Variants in ZNF560 observed in about 807,000 individuals in gnomAD.
ZNF560 encodes the protein zinc finger protein 560.
In ZNF560, 54 loss-of-function variants were observed where a neutral mutation model predicts 81.8. The observed-to-expected ratio is 0.66, with a 90% CI of 0.53 to 0.83. The LOEUF is 0.83. ZNF560 is among the 40% of genes least tolerant of loss of function. The probability of loss-of-function intolerance (pLI) is 0.00; values close to 1 mark genes in which losing one functional copy is unlikely to be tolerated. For synonymous variants in ZNF560, 321 were observed against 317.9 expected, an observed-to-expected ratio of 1.01 and a Z score of -0.10; for missense variants, 940 against 932.4, an observed-to-expected ratio of 1.01 and a Z score of -0.11.
At chr19:9,484,695 A>T (rs1359855917) in intron 2 of ZNF560, among the ~76,000 whole-genome samples, 1 of 151,792 alleles carries the variant, frequency 6.6e-6, no homozygotes, top group Non-Finnish European at 1.5e-5. Flanking sequence ...AGGCAGGAGA[A>T]TTGCTTGAAC....
chr19:9,468,373 G>A, intron 9 of ZNF560, 39 bp from the exon 10 acceptor site: 1 of 1,469,742 alleles, frequency 6.8e-7, no homozygotes, highest in Middle Eastern at 1.8e-4. Context: ...AAGCATTTTA[G>A]CAGACTTATT....
chr19:9,506,658 C>T, the ZNF560 span, among the ~76,000 whole-genome samples: 1 of 151,914 alleles, frequency 6.6e-6, no homozygotes, highest in Non-Finnish European at 1.5e-5. Context: ...CTTTTAGCAT[C>T]TCTTTTATGT....
the ZNF560 span, among the ~76,000 whole-genome samples, chr19:9,460,229 C>T: frequency 6.6e-6 from 1 of 152,102 alleles, no homozygotes; most frequent in Non-Finnish European, 1.5e-5. Flanking sequence ...AGGATGACCC[C>T]CAACTGTCAC....
chr19:9,501,380 TGG>T (rs1213307621), upstream of ZNF560, among the ~76,000 whole-genome samples: 9 of 132,576 alleles, frequency 6.8e-5, no homozygotes, highest in South Asian at 2.4e-4. Context: ...TGTGTGTGTG[TGG>T]AGTGTTGCTC....
chr19:9,464,660 C>G (rs1045254982), downstream of ZNF560, among the ~76,000 whole-genome samples: 6 of 150,948 alleles, frequency 4.0e-5, no homozygotes, highest in Admixed American at 1.3e-4. Flanking sequence ...TATGACAAAC[C>G]AAAAAGAGAA....
chr19:9,474,820 G>C (rs1488679967), intron 3 of ZNF560, among the ~76,000 whole-genome samples: 1 of 141,644 alleles, frequency 7.1e-6, no homozygotes, highest in Non-Finnish European at 1.5e-5. Context: ...CACCATGCCT[G>C]GCATTTTTTT....
the ZNF560 span, among the ~76,000 whole-genome samples, chr19:9,460,826 C>T: frequency 3.9e-5 from 6 of 152,160 alleles, no homozygotes; most frequent in Non-Finnish European, 8.8e-5. Flanking sequence ...GGGAAGATTG[C>T]ATTGCAGGAC....
At chr19:9,460,564 T>C in the ZNF560 span, among the ~76,000 whole-genome samples, 4 of 152,150 alleles carry the variant, frequency 2.6e-5, no homozygotes, top group African/African-American at 9.7e-5. Context: ...GGGAAGGAAC[T>C]GTTATGAGTA....
At chr19:9,455,933 C>T in the ZNF560 span, among the ~76,000 whole-genome samples, 27 of 152,102 alleles carry the variant, frequency 1.8e-4, no homozygotes, top group African/African-American at 6.5e-4. Context: ...TAGAAAAAAT[C>T]AGAGGGTCCA....
chr19:9,492,238 T>TTAA (rs761925648), intron 2 of ZNF560, among the ~76,000 whole-genome samples: 8 of 152,090 alleles, frequency 5.3e-5, no homozygotes, highest in Non-Finnish European at 8.8e-5. Context: ...ACCAAGGGCA[T>TTAA]TAATTTCTAG....
Position 9,467,574 on chromosome 19 carries a change from T to TTC in ZNF560, c.1371_1372dup (p.Lys458ArgfsTer51). 6.2e-7 allele frequency: 1 copy of TTC among 1,614,198 alleles called. No individual in the cohort carries two copies. Among genetic ancestry groups the TTC allele is most frequent in the Non-Finnish European group, 8.5e-7 (1 of 1,180,022 alleles). On this transcript the variant is annotated frameshift_variant, in exon 10 of 10. Transcript: ENST00000301480. LOFTEE classifies it high-confidence loss of function. The stretch of plus-strand genomic sequence containing the variant: ...CCCATATTCCTTATGCTCATATGGC[T>TTC]TCTCTCCATTATGAACTCTCAAATG...
upstream of ZNF560, chr19:9,498,850 T>C (rs1460071921): frequency 6.6e-6 from 1 of 151,730 alleles, no homozygotes; most frequent in African/African-American, 2.4e-5. Flanking sequence ...GGGCTGGAGG[T>C]GGGACCAGAC....
chr19:9,476,305 G>A (rs1050792295), intron 2 of ZNF560, among the ~76,000 whole-genome samples: 1 of 151,714 alleles, frequency 6.6e-6, no homozygotes, highest in Non-Finnish European at 1.5e-5. Context: ...GTTTGTTTTT[G>A]TTTTTGAAAC....
In ZNF560 at chr19:9,467,901, T is replaced by A; in HGVS notation, c.1046A>T (p.Glu349Val). ...VETHIIKNPY[E>V]CKECGKDFRY... ...AAAATCTTTTCCACATTCCTTACAT[T>A]CATAGGGGTTTTTAATAATGTGTGT... Residue 349 changes from glutamate to valine, a missense_variant, in exon 10 of 10, where the codon GAA (glutamate) becomes GTA (valine). Coordinates refer to ENST00000301480, the MANE Select transcript of ZNF560 (RefSeq NM_152476.3). 1 of 1,614,190 alleles carries A rather than the reference T, an allele frequency of 6.2e-7. No homozygotes were observed. The highest frequency in any genetic ancestry group is 8.5e-7 in the Non-Finnish European group (1 of 1,180,028).
intron 2 of ZNF560, among the ~76,000 whole-genome samples, chr19:9,479,904 G>A (rs1039825038): frequency 6.6e-6 from 1 of 152,048 alleles, no homozygotes; most frequent in African/African-American, 2.4e-5. Context: ...GGGTTATCCT[G>A]AAACAAATCC....
intron 2 of ZNF560, among the ~76,000 whole-genome samples, chr19:9,477,631 G>A (rs929520073): frequency 4.6e-5 from 7 of 152,256 alleles, no homozygotes; most frequent in Admixed American, 1.3e-4. Context: ...AGCAGCAATC[G>A]CAAATCAGAC....
At chr19:9,478,038 G>A (rs2073229697) in intron 2 of ZNF560, among the ~76,000 whole-genome samples, 1 of 152,084 alleles carries the variant, frequency 6.6e-6, no homozygotes, top group African/African-American at 2.4e-5. Flanking sequence ...TACTCAGGAA[G>A]GGCAAACATC....
At chr19:9,471,033 G>A (rs2073113180) in intron 6 of ZNF560, among the ~76,000 whole-genome samples, 1 of 152,110 alleles carries the variant, frequency 6.6e-6, no homozygotes, top group African/African-American at 2.4e-5. Context: ...GTCTATATTT[G>A]CTTTAAGGAA....
rs1339657357 is a variant in ZNF560 at position 9,468,371 on chromosome 19, T to C, written c.613-37A>G. On this transcript the variant is annotated intron_variant, in intron 9 of 9. Transcript: ENST00000301480. ...GGAATGAACAATAAAGGAAGCATTT[T>C]AGCAGACTTATTAATAGATACCACT... The C allele has an allele frequency of 2.0e-6, 3 of 1,477,396 alleles. No homozygotes were observed. The African/African-American group carries it at 4.2e-5, about 21-fold the overall frequency. The allele number at this position is 1,477,396 out of a possible 1,614,324, so 91.5% of individuals were successfully genotyped here. A position where few individuals can be genotyped will look rare whatever the true frequency, so the allele number is the denominator to read the frequency against.
Sources: allele counts gnomAD v4.1 joint callset (sites outside exome capture counted in the v4.1 genomes callset), GRCh38; gene constraint gnomAD v4.1.1; transcripts MANE v1.5; gene names NCBI Gene and HGNC (gene_info 2026-07-23, HGNC 2026-07-21).